PDE5A: variants seen among roughly 807,000 people sequenced by gnomAD.
The protein encoded by PDE5A is cGMP-specific 3',5'-cyclic phosphodiesterase.
A neutral mutation model predicts 110.2 loss-of-function variants in PDE5A; 67 were observed. That is an observed-to-expected ratio of 0.61 (90% confidence interval 0.50 to 0.75). The LOEUF is 0.75. Among genes scored for constraint, PDE5A ranks in the 30% least tolerant of loss-of-function variants. PDE5A has a pLI of 0.00. For synonymous variants in PDE5A, 328 were observed against 351.2 expected, an observed-to-expected ratio of 0.93 and a Z score of 0.74; for missense variants, 862 against 1,045.1, an observed-to-expected ratio of 0.82 and a Z score of 2.42.
chr4:119,608,597 A>G (rs775626796), intron 1 of PDE5A, among the ~76,000 whole-genome samples: 33 of 152,312 alleles, frequency 2.2e-4, no homozygotes, highest in Admixed American at 9.2e-4. Context: ...AAAAAAACCT[A>G]TGGTAACAGC....
chr4:119,585,267 C>T (rs1335754154), intron 3 of PDE5A, among the ~76,000 whole-genome samples: 1 of 64,748 alleles, frequency 1.5e-5, no homozygotes, highest in African/African-American at 5.3e-5. Flanking sequence ...AAGAGTGAAA[C>T]TCTGTCTCAA....
chr4:119,519,246 T>C (rs963777668), intron 13 of PDE5A, 107 bp from the exon 14 acceptor site: 1 of 758,528 alleles, frequency 1.3e-6, no homozygotes, highest in African/African-American at 1.7e-5. Flanking sequence ...GTGCTTTACA[T>C]ACATACTTCT....
At chr4:119,512,513 C>A (rs955834588) in intron 14 of PDE5A, 1 of 152,112 alleles carries the variant, frequency 6.6e-6, no homozygotes, top group East Asian at 1.9e-4. Flanking sequence ...TGGGAAACTT[C>A]TAGTAATCTA....
chr4:119,540,454 G>C (rs1726887324), intron 10 of PDE5A, among the ~76,000 whole-genome samples: 1 of 151,306 alleles, frequency 6.6e-6, no homozygotes, highest in Admixed American at 6.6e-5. Flanking sequence ...GAAATTGATG[G>C]GTCATGGCTA....
chr4:119,508,209 T>G (rs1217480352), intron 15 of PDE5A, among the ~76,000 whole-genome samples: 3 of 151,942 alleles, frequency 2.0e-5, no homozygotes, highest in African/African-American at 4.8e-5. Flanking sequence ...TATAGATGGG[T>G]AAAGGGCATG....
chr4:119,572,781 G>A (rs553190720), intron 3 of PDE5A, among the ~76,000 whole-genome samples: 172 of 152,060 alleles, frequency 1.1e-3, no homozygotes, highest in Middle Eastern at 0.01. Flanking sequence ...GCTGGTCCAG[G>A]CACAAAAGAC....
At position 119,581,044 on chromosome 4, in the gene PDE5A, A is replaced by G. The variant is rs566898326; in HGVS notation, c.832-13900T>C. ...TGTTTTTGGATTTGGAGTCTGTTAAATCAGGATCAAGCTTGTTCCATCATT... is the reference window on the plus strand; with the variant it reads ...TGTTTTTGGATTTGGAGTCTGTTAAGTCAGGATCAAGCTTGTTCCATCATT... On this transcript the variant is annotated intron_variant, in intron 3 of 20. Transcript: ENST00000354960. 2.6e-5 allele frequency among the ~76,000 whole-genome samples: 4 copies of G among 152,306 alleles called. No individual in the cohort carries two copies. In the South Asian group the frequency reaches 6.2e-4, roughly 24 times the overall value.
chr4:119,579,216 T>C (rs993280540), intron 3 of PDE5A, among the ~76,000 whole-genome samples: 2 of 151,936 alleles, frequency 1.3e-5, no homozygotes, highest in African/African-American at 2.4e-5. Flanking sequence ...TGTGGAGAAA[T>C]AGGAACACTT....
At position 119,542,585 on chromosome 4, in the gene PDE5A, CT is replaced by C; in HGVS notation, c.1445del (p.Lys482SerfsTer62). The C allele has an allele frequency of 6.2e-7, 1 of 1,613,950 alleles. No homozygotes were observed. The highest frequency in any genetic ancestry group is 8.5e-7 in the Non-Finnish European group (1 of 1,179,908). ...NKMEENTGKV[K>X]PFNRNDEQFL... ...ACTGTTCGTCATTTCGGTTGAAAGG[CT>C]TAACCTTGCCAGTATTCTCCTCCAT... On this transcript the variant is annotated frameshift_variant, in exon 10 of 21. Coordinates refer to ENST00000354960, the MANE Select transcript of PDE5A (RefSeq NM_001083.4). LOFTEE classifies it high-confidence loss of function.
At chr4:119,543,062 A>ACACACACACACACACACG (rs1193765580) in intron 9 of PDE5A, 3 of 153,626 alleles carry the variant, frequency 2.0e-5, no homozygotes, top group Non-Finnish European at 4.3e-5. Context: ...ACACACACAC[A>ACACACACACACACACACG]CACACACACA....
intron 2 of PDE5A, among the ~76,000 whole-genome samples, chr4:119,604,375 C>T (rs1729454126): frequency 6.6e-6 from 1 of 152,144 alleles, no homozygotes; most frequent in African/African-American, 2.4e-5. Flanking sequence ...AAGACTTTCT[C>T]AACAAAGCTA....
intron 15 of PDE5A, 121 bp from the exon 16 acceptor site, chr4:119,507,825 C>A: frequency 1.5e-6 from 1 of 648,180 alleles, no homozygotes; most frequent in East Asian, 3.0e-5. Context: ...GTGGAGGACA[C>A]ACTTAAATAC....
At chr4:119,537,724 T>C (rs1440531053) in intron 11 of PDE5A, among the ~76,000 whole-genome samples, 2 of 151,806 alleles carry the variant, frequency 1.3e-5, no homozygotes, top group African/African-American at 4.8e-5. Context: ...AGTCCTGCCT[T>C]TTCTGATTGC....
chr4:119,581,535 TC>T (rs1333596568), intron 3 of PDE5A, among the ~76,000 whole-genome samples: 4 of 152,330 alleles, frequency 2.6e-5, no homozygotes. Context: ...CATAATTTCA[TC>T]TCAAAATATT....
intron 11 of PDE5A, among the ~76,000 whole-genome samples, chr4:119,531,096 C>T (rs902973780): frequency 2.0e-5 from 3 of 151,942 alleles, no homozygotes; most frequent in African/African-American, 7.3e-5. Flanking sequence ...TAGCTGCTTT[C>T]GTAGGAAGTT....
intron 7 of PDE5A, among the ~76,000 whole-genome samples, chr4:119,557,642 T>C (rs1727588694): frequency 6.6e-6 from 1 of 152,188 alleles, no homozygotes; most frequent in Non-Finnish European, 1.5e-5. Context: ...GCCAGAAATT[T>C]TCTGAAGCAT....
intron 9 of PDE5A, among the ~76,000 whole-genome samples, chr4:119,544,637 A>G (rs961255551): frequency 5.9e-5 from 9 of 152,168 alleles, no homozygotes; most frequent in Admixed American, 1.3e-4. Flanking sequence ...GTTTTCTCCT[A>G]CTTGATAGCC....
intron 3 of PDE5A, among the ~76,000 whole-genome samples, chr4:119,587,550 A>AT (rs1728807748): frequency 6.6e-6 from 1 of 151,796 alleles, no homozygotes; most frequent in East Asian, 1.9e-4. Flanking sequence ...CGCCCGGCTA[A>AT]TTTTTTTGTA....
chr4:119,576,934 C>T, intron 3 of PDE5A, among the ~76,000 whole-genome samples: 1 of 146,456 alleles, frequency 6.8e-6, no homozygotes, highest in Non-Finnish European at 1.5e-5. Flanking sequence ...AATTGATAGA[C>T]TGCTAGCAAG....
Sources: gnomAD v4.1 joint callset for allele counts (sites outside exome capture counted in the v4.1 genomes callset) on GRCh38, gnomAD v4.1.1 for gene constraint, MANE v1.5 for transcripts, NCBI Gene and HGNC (gene_info 2026-07-23, HGNC 2026-07-21) for gene names.